Variants in CHD8 observed in about 807,000 individuals in gnomAD.
CHD8 encodes chromodomain helicase DNA binding protein 8, also known as ATP-dependent chromatin remodeler CHD8.
A neutral mutation model predicts 279.2 loss-of-function variants in CHD8; 31 were observed. The observed-to-expected ratio is 0.11, with a 90% CI of 0.08 to 0.15. The LOEUF (loss-of-function observed/expected upper bound fraction) is 0.15, where lower values mean the gene tolerates loss of function less well. Among genes scored for constraint, CHD8 ranks in the 10% least tolerant of loss-of-function variants. The pLI is 1.00. For synonymous variants in CHD8, 1,081 were observed against 1,139.6 expected, an observed-to-expected ratio of 0.95 and a Z score of 1.04; for missense variants, 2,146 against 3,230.5, an observed-to-expected ratio of 0.66 and a Z score of 8.14.
intron 5 of CHD8, among the ~76,000 whole-genome samples, chr14:21,420,607 G>A (rs1281441152): frequency 1.3e-5 from 2 of 152,126 alleles, no homozygotes; most frequent in South Asian, 2.1e-4. Flanking sequence ...CCTCCAAGAC[G>A]TATCATTAGG....
At chr14:21,404,350 A>G (rs1357807241) in intron 16 of CHD8, among the ~76,000 whole-genome samples, 1 of 147,494 alleles carries the variant, frequency 6.8e-6, no homozygotes, top group Non-Finnish European at 1.5e-5. Context: ...GTGAGCCGAG[A>G]TTGCACCACT....
chr14:21,438,466 G>T (rs1889870353), intron 1 of CHD8, among the ~76,000 whole-genome samples: 1 of 140,776 alleles, frequency 7.1e-6, no homozygotes, highest in Non-Finnish European at 1.5e-5. Context: ...CTTGTATCCA[G>T]GAGTTCAAGA....
intron 5 of CHD8, among the ~76,000 whole-genome samples, chr14:21,416,770 A>C (rs1245374564): frequency 6.6e-6 from 1 of 152,212 alleles, no homozygotes; most frequent in Non-Finnish European, 1.5e-5. Context: ...AGAAAATATA[A>C]TAAAAGATCC....
At chr14:21,421,846 C>T (rs1045601107) in intron 5 of CHD8, among the ~76,000 whole-genome samples, 1 of 152,122 alleles carries the variant, frequency 6.6e-6, no homozygotes, top group African/African-American at 2.4e-5. Context: ...CAGTGTGAGC[C>T]CTAATCCAAT....
intron 5 of CHD8, 81 bp downstream of exon 5, chr14:21,426,047 C>T (rs758872364): frequency 1.4e-4 from 121 of 843,378 alleles, no homozygotes; most frequent in South Asian, 8.3e-4. Context: ...TATAGACTTA[C>T]GATTTCTCAA....
At chr14:21,441,494 A>G (rs1198588006) in intron 1 of CHD8, among the ~76,000 whole-genome samples, 1 of 152,208 alleles carries the variant, frequency 6.6e-6, no homozygotes, top group African/African-American at 2.4e-5. Flanking sequence ...TTAAAAAATA[A>G]TAATGGGAGG....
intron 1 of CHD8, among the ~76,000 whole-genome samples, chr14:21,443,774 T>G (rs1219325597): frequency 2.1e-5 from 3 of 142,890 alleles, no homozygotes; most frequent in Non-Finnish European, 4.5e-5. Context: ...GAGAATGGCG[T>G]GAACCCGGGA....
In CHD8 at chr14:21,385,888, T is replaced by C. The variant is rs1887204569; in HGVS notation, c.7471A>G (p.Met2491Val). The change falls in exon 38 of 38, where the codon ATG becomes GTG. Residue 2491 changes from methionine to valine, a missense_variant. Transcript: ENST00000646647. ...PSSPHVDSST[M>V]LHHHHHHPHP... ...GGGTGGTGGTGGTGGTGATGAAGCA[T>C]GGTGCTGGAGTCTACATGAGGGGAT... 2 of 1,551,280 alleles carry C rather than the reference T, an allele frequency of 1.3e-6. No individual in the cohort carries two copies. Among genetic ancestry groups the C allele is most frequent in the Non-Finnish European group, 1.7e-6 (2 of 1,147,146 alleles).
At chr14:21,386,358 C>T (rs1353020588) in intron 37 of CHD8, 182 bp from the exon 38 acceptor site, 2 of 601,842 alleles carry the variant, frequency 3.3e-6, no homozygotes, top group South Asian at 2.2e-5. Flanking sequence ...CTGGACTTAG[C>T]TGGTTGAAAC....
rs767793664 is a variant in CHD8 at position 21,430,935 on chromosome 14, G to A, written c.709C>T (p.Arg237Cys). The A allele has an allele frequency of 3.8e-6, 6 of 1,599,420 alleles. No individual in the cohort carries two copies. The highest frequency in any genetic ancestry group is 1.1e-5 in the South Asian group (1 of 91,078). Residue 237 changes from arginine (R) to cysteine (C), a missense_variant, in exon 2 of 38, where the codon CGC becomes TGC. Around this residue, in one of 26 missense-constraint regions of CHD8, gnomAD observed 302 missense variants for 325.5 expected, o/e 0.93. Coordinates refer to ENST00000646647, the MANE Select transcript of CHD8 (RefSeq NM_001170629.2). ...KVPGNQAAVQ[R>C]IVQPSRPVKQ... Reference sequence around the variant, plus strand: ...ACTGGTCGGCTGGGCTGGACAATGCGCTGAACAGCAGCCTGGTTCCCAGGG... The same window carrying A: ...ACTGGTCGGCTGGGCTGGACAATGCACTGAACAGCAGCCTGGTTCCCAGGG...
chr14:21,404,508 G>C (rs1888178953), intron 16 of CHD8, among the ~76,000 whole-genome samples: 1 of 151,976 alleles, frequency 6.6e-6, no homozygotes, highest in Non-Finnish European at 1.5e-5. Context: ...TAAATATGTG[G>C]ACAAGGACTA....
rs756927255 is a variant in CHD8 at position 21,393,141 on chromosome 14, G to A, written c.6433C>T (p.Leu2145=). ...GEQMTPELLL[L]QERQRASEWP... is the part of the protein sequence containing the mutation. ...TCAGAGGCTCTTTGTCTTTCCTGCA[G>A]TAGCAGAAGCTCAGGGGTCATTTGT... Residue 2145 remains leucine (L), a synonymous_variant, in exon 33 of 38, where the codon CTG becomes TTG. Coordinates refer to ENST00000646647, the MANE Select transcript of CHD8 (RefSeq NM_001170629.2). 1.2e-6 allele frequency: 2 copies of A among 1,613,938 alleles called. No homozygotes were observed. The highest frequency in any genetic ancestry group is 1.1e-5 in the South Asian group (1 of 91,076).
Position 21,403,601 on chromosome 14 carries a change from G to T in CHD8, c.3370C>A (p.His1124Asn), listed in dbSNP as rs765970153. The change falls in exon 17 of 38, where the codon CAC (histidine) becomes AAC (asparagine). Residue 1124 changes from histidine (H) to asparagine (N), a missense_variant. Coordinates refer to ENST00000646647, the MANE Select transcript of CHD8 (RefSeq NM_001170629.2). The surrounding 1 kb of genome is among the most constrained non-coding windows in gnomAD (Gnocchi z 4.3). ...GCTGAACGAACCATGGCCTGCAGGT[G>T]AAAGTCATGAGGTATAATATGGCAA... ...EACHIIPHDF[H>N]LQAMVRSAGK... 3.1e-6 allele frequency: 5 copies of T among 1,610,754 alleles called. No homozygotes were observed. The highest frequency in any genetic ancestry group is 4.2e-6 in the Non-Finnish European group (5 of 1,178,362).
intron 1 of CHD8, among the ~76,000 whole-genome samples, chr14:21,441,091 A>G (rs1358806952): frequency 6.6e-6 from 1 of 152,164 alleles, no homozygotes; most frequent in Non-Finnish European, 1.5e-5. Context: ...GGCTAGTTTA[A>G]GTGGATACTC....
At chr14:21,394,730 T>A (rs1385207276) in intron 30 of CHD8, 182 bp downstream of exon 30, 1 of 658,278 alleles carries the variant, frequency 1.5e-6, no homozygotes, top group African/African-American at 1.8e-5. Context: ...ACAGGAGACC[T>A]ACCTGAGAGT....
intron 37 of CHD8, among the ~76,000 whole-genome samples, chr14:21,387,047 A>G (rs946432374): frequency 1.3e-5 from 2 of 152,232 alleles, no homozygotes; most frequent in African/African-American, 4.8e-5. Flanking sequence ...TTTGTTCCAC[A>G]TTGATAAAAA....
chr14:21,434,008 A>G (rs1889668669), intron 1 of CHD8, among the ~76,000 whole-genome samples: 1 of 151,194 alleles, frequency 6.6e-6, no homozygotes, highest in Admixed American at 6.6e-5. Flanking sequence ...ATCTACAGCT[A>G]GGAGTAATAT....
chr14:21,433,182 AC>A (rs1889637423), intron 1 of CHD8, among the ~76,000 whole-genome samples: 1 of 152,178 alleles, frequency 6.6e-6, no homozygotes, highest in Non-Finnish European at 1.5e-5. Context: ...TCTGGAGTAA[AC>A]CATTCGATCC....
intron 28 of CHD8, chr14:21,395,563 A>G (rs2139451680): frequency 1.7e-6 from 1 of 593,728 alleles, no homozygotes; most frequent in Non-Finnish European, 3.0e-6. Context: ...TTAACGACTC[A>G]AAGATAATAG....
Sources: allele counts gnomAD v4.1 joint callset (sites outside exome capture counted in the v4.1 genomes callset), GRCh38; gene constraint gnomAD v4.1.1; regional missense constraint gnomAD v4.1.1; non-coding constraint Gnocchi (gnomAD v3.1); transcripts MANE v1.5; gene names NCBI Gene and HGNC (gene_info 2026-07-23, HGNC 2026-07-21).